The following EXOC6B variants were observed in gnomAD, a reference collection of about 807,000 sequenced individuals.
The protein encoded by EXOC6B is SEC15 homolog B.
Under a neutral mutation model 113.5 loss-of-function variants are expected in EXOC6B, and 54 were observed. That is an observed-to-expected ratio of 0.48 (90% CI 0.38 to 0.60). The LOEUF (loss-of-function observed/expected upper bound fraction) is 0.60, where lower values mean the gene tolerates loss of function less well. Ranked by LOEUF, EXOC6B falls within the 20% of genes least tolerant of loss-of-function variation. The probability of loss-of-function intolerance (pLI) is 0.00; values close to 1 mark genes in which losing one functional copy is unlikely to be tolerated. For synonymous variants in EXOC6B, 357 were observed against 339.0 expected (o/e 1.05, Z -0.58); for missense variants, 797 against 977.5 (o/e 0.82, Z 2.46).
intron 8 of EXOC6B, among the ~76,000 whole-genome samples, chr2:72,548,815 G>A (rs750561376): frequency 6.6e-6 from 1 of 152,232 alleles, no homozygotes; most frequent in African/African-American, 2.4e-5. Context: ...ATAAAGTTAA[G>A]CAGTAATATA....
At chr2:72,282,317 T>C (rs1025831700) in intron 20 of EXOC6B, among the ~76,000 whole-genome samples, 4 of 152,202 alleles carry the variant, frequency 2.6e-5, no homozygotes, top group African/African-American at 9.6e-5. Flanking sequence ...TGAATTAAAG[T>C]AGTCTAAAGT....
At chr2:72,334,073 A>AC (rs1316676783) in intron 20 of EXOC6B, among the ~76,000 whole-genome samples, 1 of 151,302 alleles carries the variant, frequency 6.6e-6, no homozygotes, top group Non-Finnish European at 1.5e-5. Context: ...TTTTAAACAG[A>AC]CAAAAAAAAA....
intron 6 of EXOC6B, among the ~76,000 whole-genome samples, chr2:72,591,542 G>T (rs984983340): frequency 2.0e-5 from 3 of 152,118 alleles, no homozygotes; most frequent in African/African-American, 7.2e-5. Flanking sequence ...CAAGGCTAGA[G>T]ACCCATTTGA....
chr2:72,357,946 C>T (rs1432275265), intron 19 of EXOC6B, among the ~76,000 whole-genome samples: 1 of 152,006 alleles, frequency 6.6e-6, no homozygotes, highest in African/African-American at 2.4e-5. Context: ...ACAATGAAAC[C>T]ACCTTACGAA....
chr2:72,794,124 TC>T (rs767191887), intron 1 of EXOC6B, among the ~76,000 whole-genome samples: 9 of 152,238 alleles, frequency 5.9e-5, no homozygotes, highest in Non-Finnish European at 1.2e-4. Flanking sequence ...TATATAAACA[TC>T]CTGTCACATG....
intron 6 of EXOC6B, among the ~76,000 whole-genome samples, chr2:72,616,493 G>A (rs1180419189): frequency 6.6e-6 from 1 of 152,166 alleles, no homozygotes; most frequent in Non-Finnish European, 1.5e-5. Flanking sequence ...CAGTGTATTA[G>A]TCTGTTTCCA....
At chr2:72,804,532 T>C (rs1477156163) in intron 1 of EXOC6B, among the ~76,000 whole-genome samples, 2 of 152,188 alleles carry the variant, frequency 1.3e-5, no homozygotes, top group Non-Finnish European at 2.9e-5. Context: ...ATATTTCTAC[T>C]CAAGTATACA....
chr2:72,631,840 C>T (rs1276741052), intron 6 of EXOC6B, among the ~76,000 whole-genome samples: 1 of 151,988 alleles, frequency 6.6e-6, no homozygotes, highest in Non-Finnish European at 1.5e-5. Context: ...TGACACCAAA[C>T]CTGTAAAAGA....
At position 72,489,815 on chromosome 2, in the gene EXOC6B, T is replaced by C. The variant is rs370428628; in HGVS notation, c.1665+2503A>G. ...AAAAAGAAAGGCATTCATGTTCTAG[T>C]GGTGCTAAAACTGAAAGGTAATTTT... On this transcript the variant is annotated intron_variant, in intron 16 of 21. Coordinates refer to ENST00000272427, the MANE Select transcript of EXOC6B (RefSeq NM_015189.3). Among the ~76,000 whole-genome samples, 7 of 152,236 alleles carry C rather than the reference T, an allele frequency of 4.6e-5. No homozygotes were observed. The South Asian group carries it at 1.2e-3, about 27-fold the overall frequency.
chr2:72,397,770 T>A (rs1311703814), intron 18 of EXOC6B, among the ~76,000 whole-genome samples: 1 of 151,982 alleles, frequency 6.6e-6, no homozygotes, highest in African/African-American at 2.4e-5. Context: ...ATGAGAGATG[T>A]GCACATCATT....
At chr2:72,398,338 A>G (rs1692890825) in intron 18 of EXOC6B, among the ~76,000 whole-genome samples, 1 of 152,088 alleles carries the variant, frequency 6.6e-6, no homozygotes, top group Admixed American at 6.6e-5. Context: ...TCTGGTACTC[A>G]GGCATTCAGA....
chr2:72,524,572 T>A (rs1405939682), intron 8 of EXOC6B, among the ~76,000 whole-genome samples: 3 of 152,084 alleles, frequency 2.0e-5, no homozygotes, highest in Admixed American at 2.0e-4. Flanking sequence ...AATAAAAGTT[T>A]AAAAAAACTT....
chr2:72,461,122 A>T (rs1697629876), intron 18 of EXOC6B, among the ~76,000 whole-genome samples: 1 of 149,162 alleles, frequency 6.7e-6, no homozygotes, highest in South Asian at 2.1e-4. Context: ...AGAACCAAAC[A>T]CCGCATGTTC....
chr2:72,205,488 A>C (rs915813976), intron 20 of EXOC6B, among the ~76,000 whole-genome samples: 2 of 152,140 alleles, frequency 1.3e-5, no homozygotes, highest in African/African-American at 4.8e-5. Context: ...TAACCAGAAA[A>C]GGCCAGGGAA....
chr2:72,315,660 C>T (rs1268795027), intron 20 of EXOC6B, among the ~76,000 whole-genome samples: 1 of 152,044 alleles, frequency 6.6e-6, no homozygotes, highest in Non-Finnish European at 1.5e-5. Context: ...AATTTGCTGA[C>T]AGATTGGACG....
intron 18 of EXOC6B, chr2:72,462,736 A>G (rs1266886036): frequency 6.6e-6 from 1 of 152,120 alleles, no homozygotes; most frequent in Non-Finnish European, 1.5e-5. Flanking sequence ...AGTCTACAGT[A>G]TCTTGTTATG....
At chr2:72,454,015 A>C (rs1333282608) in intron 18 of EXOC6B, among the ~76,000 whole-genome samples, 6 of 152,134 alleles carry the variant, frequency 3.9e-5, no homozygotes, top group Non-Finnish European at 5.9e-5. Flanking sequence ...AAACAATCAG[A>C]TCTCACTATC....
Position 72,811,099 on chromosome 2 carries a change from G to A in EXOC6B, c.113+14699C>T, listed in dbSNP as rs543898083. Among the ~76,000 whole-genome samples the A allele has an allele frequency of 1.1e-3, 169 of 151,288 alleles. 1 individual carries two copies. Among genetic ancestry groups the A allele is most frequent in the African/African-American group, 3.9e-3 (163 of 41,284 alleles). Reference sequence around the variant, plus strand: ...TGTAATCCCAGCACTTTGGGAGTCCGAAGTGGGAGGATCACTTGATGCCAG... The same window carrying A: ...TGTAATCCCAGCACTTTGGGAGTCCAAAGTGGGAGGATCACTTGATGCCAG... On this transcript the variant is annotated intron_variant, in intron 1 of 21. Transcript: ENST00000272427.
intron 18 of EXOC6B, among the ~76,000 whole-genome samples, chr2:72,395,361 T>C (rs1692658257): frequency 6.6e-6 from 1 of 152,162 alleles, no homozygotes; most frequent in Non-Finnish European, 1.5e-5. Context: ...CCCTAACTGG[T>C]CAATACCCTA....
Sources: gnomAD v4.1 joint callset for allele counts (sites outside exome capture counted in the v4.1 genomes callset) on GRCh38, gnomAD v4.1.1 for gene constraint, MANE v1.5 for transcripts, NCBI Gene and HGNC (gene_info 2026-07-23, HGNC 2026-07-21) for gene names.